Variants in KCNMB2 observed in about 807,000 individuals in gnomAD.
The protein encoded by KCNMB2 is calcium-activated potassium channel subunit beta-2.
Under a neutral mutation model 24.5 loss-of-function variants are expected in KCNMB2, and 9 were observed. The observed-to-expected ratio is 0.37, with a 90% CI of 0.22 to 0.64. KCNMB2 has a LOEUF of 0.64. KCNMB2 is among the 30% of genes least tolerant of loss of function. The pLI is 0.63. For missense variants in KCNMB2, 226 were observed against 284.3 expected, an observed-to-expected ratio of 0.79 and a Z score of 1.47; for synonymous variants, 109 against 104.4, an observed-to-expected ratio of 1.04 and a Z score of -0.27.
intron 1 of KCNMB2, among the ~76,000 whole-genome samples, chr3:178,584,264 A>AAACTGGTCC (rs1717338642): frequency 6.6e-6 from 1 of 152,378 alleles, no homozygotes; most frequent in South Asian, 2.1e-4. Context: ...CGAGAATGAG[A>AAACTGGTCC]AACTGGTCCA....
chr3:178,698,527 T>C (rs1008558145), intron 1 of KCNMB2, among the ~76,000 whole-genome samples: 2 of 152,244 alleles, frequency 1.3e-5, no homozygotes, highest in African/African-American at 4.8e-5. Flanking sequence ...TGTTTTACCA[T>C]AATTTTTAGC....
intron 2 of KCNMB2, among the ~76,000 whole-genome samples, chr3:178,822,341 C>T (rs929815226): frequency 6.6e-6 from 1 of 152,226 alleles, no homozygotes; most frequent in African/African-American, 2.4e-5. Flanking sequence ...CTAAATTCAA[C>T]CCTGGCTCTC....
At chr3:178,703,873 T>G (rs1281708709) in intron 1 of KCNMB2, among the ~76,000 whole-genome samples, 1 of 152,158 alleles carries the variant, frequency 6.6e-6, no homozygotes, top group Non-Finnish European at 1.5e-5. Flanking sequence ...TATTATAAGA[T>G]GTTAGAGTGA....
intron 1 of KCNMB2, among the ~76,000 whole-genome samples, chr3:178,539,894 ATC>A: frequency 6.6e-6 from 1 of 152,178 alleles, no homozygotes; most frequent in South Asian, 2.1e-4. Context: ...TTTCTTCTTT[ATC>A]TATACTTAAG....
intron 1 of KCNMB2, among the ~76,000 whole-genome samples, chr3:178,650,984 CTT>C (rs1456163396): frequency 6.6e-6 from 1 of 152,192 alleles, no homozygotes; most frequent in East Asian, 1.9e-4. Flanking sequence ...GAAGCATTCC[CTT>C]TGAAAAACAG....
chr3:178,605,211 A>G (rs1718230082), intron 1 of KCNMB2, among the ~76,000 whole-genome samples: 1 of 152,156 alleles, frequency 6.6e-6, no homozygotes, highest in South Asian at 2.1e-4. Context: ...CCCTTATAAA[A>G]GAGCTCTGAA....
chr3:178,826,886 A>G (rs1217889260), intron 3 of KCNMB2, among the ~76,000 whole-genome samples: 1 of 152,198 alleles, frequency 6.6e-6, no homozygotes, highest in Non-Finnish European at 1.5e-5. Context: ...CTCAGGCCCC[A>G]AGTGGTCGTT....
chr3:178,661,446 T>C (rs937551320), intron 1 of KCNMB2, among the ~76,000 whole-genome samples: 2 of 138,910 alleles, frequency 1.4e-5, no homozygotes, highest in African/African-American at 5.5e-5. Context: ...GCAATAAACA[T>C]TTTTTTTAAT....
chr3:178,711,086 C>T (rs1722437362), intron 1 of KCNMB2, among the ~76,000 whole-genome samples: 1 of 152,080 alleles, frequency 6.6e-6, no homozygotes, highest in South Asian at 2.1e-4. Context: ...TTCTTTGCAT[C>T]AATTCTCATA....
chr3:178,739,102 G>GAAA (rs35023195), intron 1 of KCNMB2, among the ~76,000 whole-genome samples: 12 of 142,130 alleles, frequency 8.4e-5, no homozygotes, highest in Non-Finnish European at 1.4e-4. Flanking sequence ...CTAAATAACA[G>GAAA]AAAAAAAAAA....
intron 1 of KCNMB2, among the ~76,000 whole-genome samples, chr3:178,742,684 C>CA (rs1391978801): frequency 3.9e-5 from 6 of 152,036 alleles, no homozygotes; most frequent in African/African-American, 1.4e-4. Flanking sequence ...GACCCCTTGT[C>CA]AAAAAAATTC....
chr3:178,606,425 T>C (rs901639276), intron 1 of KCNMB2, among the ~76,000 whole-genome samples: 1 of 151,868 alleles, frequency 6.6e-6, no homozygotes, highest in Non-Finnish European at 1.5e-5. Flanking sequence ...GTTTCCCTTG[T>C]AGCCTGGACT....
At chr3:178,829,977 CGT>C (rs1560039158) in intron 4 of KCNMB2, among the ~76,000 whole-genome samples, 1 of 152,070 alleles carries the variant, frequency 6.6e-6, no homozygotes, top group Non-Finnish European at 1.5e-5. Context: ...TCGTAACCAC[CGT>C]GTAACCACCT....
intron 1 of KCNMB2, among the ~76,000 whole-genome samples, chr3:178,660,994 T>TATA (rs10696100): frequency 8.0e-5 from 1 of 12,576 alleles, no homozygotes; most frequent in Non-Finnish European, 1.4e-4. Flanking sequence ...CATATATATA[T>TATA]ATTATTATTA....
chr3:178,593,978 C>T (rs1717774382), intron 1 of KCNMB2, among the ~76,000 whole-genome samples: 1 of 151,124 alleles, frequency 6.6e-6, no homozygotes, highest in Non-Finnish European at 1.5e-5. Flanking sequence ...TCCAAGCAGG[C>T]AAGTTCTTTG....
At chr3:178,605,571 G>C (rs1430720708) in intron 1 of KCNMB2, among the ~76,000 whole-genome samples, 2 of 152,124 alleles carry the variant, frequency 1.3e-5, no homozygotes, top group African/African-American at 4.8e-5. Context: ...GGCTCAGAAA[G>C]AAAAGCAGCA....
At chr3:178,626,888 A>G (rs190192051) in intron 1 of KCNMB2, among the ~76,000 whole-genome samples, 1 of 148,830 alleles carries the variant, frequency 6.7e-6, no homozygotes, top group Non-Finnish European at 1.5e-5. Context: ...TGTAACTTAT[A>G]TATATATAGT....
chr3:178,689,431 C>T (rs1560167798), intron 1 of KCNMB2, among the ~76,000 whole-genome samples: 1 of 151,950 alleles, frequency 6.6e-6, no homozygotes, highest in East Asian at 1.9e-4. Context: ...GTCAGGAGAT[C>T]GAGACCATCC....
rs150912308 is a variant in KCNMB2 at position 178,783,962 on chromosome 3, G to C, written c.-67-23381G>C. On this transcript the variant is annotated intron_variant, in intron 1 of 4. Coordinates refer to ENST00000452583, the MANE Select transcript of KCNMB2 (RefSeq NM_181361.3). ...GATAGCTCTTATTATTTTGAAATAC[G>C]TCCCATCAATATCTAATTTATTGAG... is the stretch of plus-strand genomic sequence containing the variant. 3.5e-4 allele frequency among the ~76,000 whole-genome samples: 54 copies of C among 152,220 alleles called. 1 individual carries two copies. The South Asian group carries it at 0.011, about 31-fold the overall frequency.
Sources: gnomAD v4.1 joint callset for allele counts (sites outside exome capture counted in the v4.1 genomes callset) on GRCh38, gnomAD v4.1.1 for gene constraint, MANE v1.5 for transcripts, NCBI Gene and HGNC (gene_info 2026-07-23, HGNC 2026-07-21) for gene names.